PCDH15: variants seen among roughly 807,000 people sequenced by gnomAD.
PCDH15 encodes the protein protocadherin related 15.
PCDH15 carries 129 observed loss-of-function variants against 178.5 expected under a neutral mutation model. That is an observed-to-expected ratio of 0.72 (90% CI 0.63 to 0.84). The LOEUF (loss-of-function observed/expected upper bound fraction) is 0.84, where lower values mean the gene tolerates loss of function less well. PCDH15 is among the 40% of genes least tolerant of loss of function. The probability of loss-of-function intolerance (pLI) is 0.00; values close to 1 mark genes in which losing one functional copy is unlikely to be tolerated. For missense variants in PCDH15, 2,230 were observed against 2,099.9 expected (o/e 1.06, Z -1.21); for synonymous variants, 800 against 732.0 (o/e 1.09, Z -1.50).
intron 1 of PCDH15, among the ~76,000 whole-genome samples, chr10:54,797,629 T>G (rs1952176397): frequency 6.6e-6 from 1 of 152,050 alleles, no homozygotes; most frequent in South Asian, 2.1e-4. Flanking sequence ...ACAGGTTTCT[T>G]ATTCATTTTG....
At chr10:54,705,466 G>T (rs1591169769) in intron 1 of PCDH15, among the ~76,000 whole-genome samples, 1 of 152,068 alleles carries the variant, frequency 6.6e-6, no homozygotes, top group South Asian at 2.1e-4. Flanking sequence ...ATGCAATTTT[G>T]TGCAGTTTAT....
At chr10:55,411,525 CTATT>C (rs1838331652) in intron 2 of PCDH15, among the ~76,000 whole-genome samples, 1 of 152,092 alleles carries the variant, frequency 6.6e-6, no homozygotes, top group South Asian at 2.1e-4. Context: ...CCCTAAACTA[CTATT>C]TGCCTTATCA....
At chr10:54,853,420 C>CAT (rs1467716048) in intron 3 of PCDH15, among the ~76,000 whole-genome samples, 9 of 142,196 alleles carry the variant, frequency 6.3e-5, no homozygotes, top group South Asian at 2.2e-4. Context: ...TATACACATA[C>CAT]ATATATATAT....
chr10:54,121,652 C>G (rs968288364), intron 15 of PCDH15, among the ~76,000 whole-genome samples: 1 of 152,022 alleles, frequency 6.6e-6, no homozygotes, highest in African/African-American at 2.4e-5. Context: ...ATACAAAACT[C>G]CCTCATAGAC....
chr10:55,198,916 C>T lies in PCDH15; in HGVS notation c.-155-32265G>A, dbSNP rs775565765. Among the ~76,000 whole-genome samples the T allele has an allele frequency of 3.9e-5, 6 of 152,060 alleles. No individual in the cohort carries two copies. The East Asian group carries it at 5.8e-4, about 15-fold the overall frequency. ...TAAGTTTCCTGAGACTTCCCAGCCA[C>T]GCTTCCTGTACAGCCTGCAGAACTG... On this transcript the variant is annotated intron_variant, in intron 1 of 5. Coordinates refer to the PCDH15 transcript ENST00000458638.
In PCDH15 at chr10:53,984,024, G is replaced by A. The variant is rs562911123; in HGVS notation, c.2868+11625C>T. On this transcript the variant is annotated intron_variant, in intron 21 of 37. Coordinates refer to ENST00000644397, the MANE Select transcript of PCDH15 (RefSeq NM_001384140.1). ...ATCTTGGCATAACCTTCAGACCTCC[G>A]CTCAGAATCACTTCTAGAACCTTCC... Among the ~76,000 whole-genome samples, 30 of 151,034 alleles carry A rather than the reference G, an allele frequency of 2.0e-4. 1 individual carries two copies. The South Asian group carries it at 2.9e-3, about 15-fold the overall frequency.
At chr10:54,224,408 C>A (rs915354012) in intron 9 of PCDH15, among the ~76,000 whole-genome samples, 1 of 152,102 alleles carries the variant, frequency 6.6e-6, no homozygotes, top group Non-Finnish European at 1.5e-5. Context: ...TTCAAGGTCC[C>A]TACAGAATCC....
chr10:54,460,074 A>G (rs1037601338), intron 3 of PCDH15, among the ~76,000 whole-genome samples: 6 of 152,178 alleles, frequency 3.9e-5, no homozygotes, highest in African/African-American at 1.4e-4. Context: ...AGGAGAAATA[A>G]TACAGTCTAA....
At chr10:54,122,713 A>G (rs2041651971) in intron 15 of PCDH15, among the ~76,000 whole-genome samples, 1 of 152,156 alleles carries the variant, frequency 6.6e-6, no homozygotes, top group Non-Finnish European at 1.5e-5. Context: ...CTAGGATACA[A>G]TCAATGAACA....
At chr10:54,982,158 C>A (rs1839250352) in intron 2 of PCDH15, among the ~76,000 whole-genome samples, 1 of 151,986 alleles carries the variant, frequency 6.6e-6, no homozygotes, top group Non-Finnish European at 1.5e-5. Flanking sequence ...AGCAATTATG[C>A]ATAGGGTATC....
chr10:54,744,601 A>G (rs1328435281), intron 1 of PCDH15, among the ~76,000 whole-genome samples: 1 of 152,106 alleles, frequency 6.6e-6, no homozygotes, highest in African/African-American at 2.4e-5. Flanking sequence ...GTATCGCTGA[A>G]ATCTGTATAC....
chr10:54,959,168 G>A (rs1276387766), intron 2 of PCDH15, among the ~76,000 whole-genome samples: 1 of 151,664 alleles, frequency 6.6e-6, no homozygotes, highest in Non-Finnish European at 1.5e-5. Flanking sequence ...AAAGGAGGAG[G>A]GGGAAAGGAG....
At chr10:55,534,047 G>A (rs1365842756) in intron 2 of PCDH15, among the ~76,000 whole-genome samples, 3 of 151,886 alleles carry the variant, frequency 2.0e-5, no homozygotes, top group Non-Finnish European at 4.4e-5. Flanking sequence ...GGATAAAACT[G>A]AACCCTTACT....
intron 2 of PCDH15, chr10:55,599,743 C>A: frequency 2.5e-6 from 1 of 406,802 alleles, no homozygotes; most frequent in Non-Finnish European, 4.3e-6. Flanking sequence ...AAAAGGAACT[C>A]GGCACATTTC....
intron 27 of PCDH15, among the ~76,000 whole-genome samples, chr10:53,864,758 T>A (rs553264411): frequency 6.6e-6 from 1 of 152,160 alleles, no homozygotes; most frequent in East Asian, 1.9e-4. Flanking sequence ...CACTCCAGCC[T>A]GGGAGTCAGA....
chr10:54,800,429 C>CA, intron 1 of PCDH15, among the ~76,000 whole-genome samples: 1 of 152,064 alleles, frequency 6.6e-6, no homozygotes, highest in Admixed American at 6.6e-5. Flanking sequence ...TCACAAAAGA[C>CA]AAAAAATACT....
intron 2 of PCDH15, among the ~76,000 whole-genome samples, chr10:55,422,958 C>T (rs893423806): frequency 6.6e-6 from 1 of 151,792 alleles, no homozygotes; most frequent in African/African-American, 2.4e-5. Flanking sequence ...TGTCAAGAGA[C>T]CCCTTACTCC....
At chr10:54,454,476 AATT>A (rs1389580477) in intron 3 of PCDH15, among the ~76,000 whole-genome samples, 5 of 149,250 alleles carry the variant, frequency 3.4e-5, no homozygotes, top group African/African-American at 9.7e-5. Context: ...TAATAATTAA[AATT>A]ATTAATATTT....
At chr10:55,180,307 A>G (rs568286414) in intron 1 of PCDH15, among the ~76,000 whole-genome samples, 2 of 152,288 alleles carry the variant, frequency 1.3e-5, no homozygotes, top group South Asian at 2.1e-4. Flanking sequence ...TTTGGGGAAC[A>G]GGTCACAAAA....
Sources: gnomAD v4.1 joint callset for allele counts (sites outside exome capture counted in the v4.1 genomes callset) on GRCh38, gnomAD v4.1.1 for gene constraint, MANE v1.5 for transcripts, NCBI Gene and HGNC (gene_info 2026-07-23, HGNC 2026-07-21) for gene names.